Variants in DSN1 observed in about 807,000 individuals in gnomAD.
DSN1 encodes the protein DSN1 component of MIS12 kinetochore complex.
In DSN1, 31 loss-of-function variants were observed where a neutral mutation model predicts 45.7. The ratio of observed to expected loss-of-function variants is 0.68; its 90% CI spans 0.51 to 0.92. The LOEUF (loss-of-function observed/expected upper bound fraction) is 0.92. Ranked by LOEUF, DSN1 falls within the 40% of genes least tolerant of loss-of-function variation. DSN1 has a pLI of 0.00. For synonymous variants in DSN1, 134 were observed against 142.3 expected (o/e 0.94, Z 0.41); for missense variants, 394 against 414.2 (o/e 0.95, Z 0.42).
intron 6 of DSN1, among the ~76,000 whole-genome samples, chr20:36,759,879 A>G (rs1312832647): frequency 1.3e-5 from 2 of 152,066 alleles, no homozygotes; most frequent in Non-Finnish European, 2.9e-5. Context: ...TATCAATTCC[A>G]ATTCACATCA....
chr20:36,762,353 G>A (rs1192103591), intron 6 of DSN1, 108 bp downstream of exon 6: 12 of 822,026 alleles, frequency 1.5e-5, no homozygotes, highest in African/African-American at 3.5e-5. Context: ...CTCGTAATCC[G>A]CCCACCTCGG....
chr20:36,771,516 C>T (rs533876448), intron 1 of DSN1, 43 bp from the exon 2 acceptor site: 26 of 1,591,018 alleles, frequency 1.6e-5, no homozygotes, highest in East Asian at 8.9e-5. Context: ...TCACGTTTCA[C>T]TGCAGTCTCA....
intron 4 of DSN1, among the ~76,000 whole-genome samples, chr20:36,767,304 T>C (rs1987397902): frequency 6.6e-6 from 1 of 150,970 alleles, no homozygotes; most frequent in African/African-American, 2.5e-5. Flanking sequence ...AGACTCCGTC[T>C]CAAAAAAACA....
chr20:36,771,108 G>A lies in DSN1; in HGVS notation c.120C>T (p.Ala40=). The A allele has an allele frequency of 9.9e-6, 16 of 1,614,172 alleles. No individual in the cohort carries two copies. Among genetic ancestry groups the A allele is most frequent in the Non-Finnish European group, 1.4e-5 (16 of 1,180,034 alleles). The change falls in exon 3 of 11, where the codon GCC becomes GCT. Residue 40 remains alanine, a synonymous_variant. Transcript: ENST00000373750. The stretch of plus-strand genomic sequence containing the variant: ...AAACGCCTTGATTCATCTCCAGGGA[G>A]GCAGATGTTTTAGCAAACACTTCCA... ...SPVEVFAKTS[A]SLEMNQGVSE...
intron 5 of DSN1, 59 bp downstream of exon 5, chr20:36,766,710 G>A: frequency 7.1e-7 from 1 of 1,408,234 alleles, no homozygotes; most frequent in Non-Finnish European, 9.9e-7. Flanking sequence ...AAATGGGGAT[G>A]CTGTGAGCAA....
chr20:36,754,681 T>C lies in DSN1; in HGVS notation c.961+82A>G, dbSNP rs539800385. ...ATATAGGTCTTACCCTCTTGGACCA[T>C]AGGCTTTGAAGGGCAGTTTGTATCC... On this transcript the variant is annotated intron_variant, in intron 10 of 10. Transcript: ENST00000373750. 31 of 1,173,424 alleles carry C rather than the reference T, an allele frequency of 2.6e-5. No individual in the cohort carries two copies. In the South Asian group the frequency reaches 2.8e-4, roughly 11 times the overall value. 72.7% of individuals were successfully genotyped at this position (1,173,424 alleles called of 1,614,324 possible).
At chr20:36,765,331 G>A (rs983410862) in intron 5 of DSN1, among the ~76,000 whole-genome samples, 2 of 151,400 alleles carry the variant, frequency 1.3e-5, no homozygotes, top group Admixed American at 1.3e-4. Flanking sequence ...CAAGGTGGGC[G>A]GATCACCTGA....
chr20:36,762,396 C>T (rs1159870841), intron 6 of DSN1, 65 bp downstream of exon 6: 1 of 1,459,338 alleles, frequency 6.9e-7, no homozygotes, highest in Non-Finnish European at 9.4e-7. Context: ...AGGCCTGAGC[C>T]ACCAACGCCC....
At chr20:36,760,614 G>A (rs1986924750) in intron 6 of DSN1, among the ~76,000 whole-genome samples, 1 of 152,210 alleles carries the variant, frequency 6.6e-6, no homozygotes, top group Non-Finnish European at 1.5e-5. Flanking sequence ...TAGGCCCGGT[G>A]TGGTGGTTCA....
chr20:36,753,521 C>A (rs1319543022), intron 10 of DSN1, among the ~76,000 whole-genome samples: 3 of 150,658 alleles, frequency 2.0e-5, no homozygotes, highest in Non-Finnish European at 3.0e-5. Context: ...GCCTGTAATC[C>A]CAGCTACTCA....
intron 8 of DSN1, among the ~76,000 whole-genome samples, 154 bp from the exon 9 acceptor site, chr20:36,755,983 TTTG>T (rs1568688422): frequency 3.8e-4 from 57 of 151,474 alleles, no homozygotes; most frequent in African/African-American, 7.0e-4. Context: ...TGTTTGTTTG[TTTG>T]TTTTTGAGAT....
At position 36,758,590 on chromosome 20, in the gene DSN1, T is replaced by A; in HGVS notation, c.618A>T (p.Ala206=). The A allele has an allele frequency of 6.2e-7, 1 of 1,611,754 alleles. No individual in the cohort carries two copies. Among genetic ancestry groups the A allele is most frequent in the Non-Finnish European group, 8.5e-7 (1 of 1,179,578 alleles). Residue 206 remains alanine (A), a synonymous_variant, in exon 7 of 11, where the codon GCA becomes GCT. Transcript: ENST00000373750. ...NGKASDFSLE[A]SVAEMKEYIT... ...TGTATTCCTTCATCTCAGCCACAGATGCTTCCAAAGAAAAATCTGATGCTT... is the reference window on the plus strand; with the variant it reads ...TGTATTCCTTCATCTCAGCCACAGAAGCTTCCAAAGAAAAATCTGATGCTT...
Position 36,768,006 on chromosome 20 carries a change from C to T in DSN1, c.392G>A (p.Ser131Asn). 1 of 1,614,126 alleles carries T rather than the reference C, an allele frequency of 6.2e-7. No individual in the cohort carries two copies. Among genetic ancestry groups the T allele is most frequent in the Non-Finnish European group, 8.5e-7 (1 of 1,179,994 alleles). The change falls in exon 4 of 11, where the codon AGC (serine) becomes AAC (asparagine). Residue 131 changes from serine (S) to asparagine (N), a missense_variant. Ser to Asn is a conservative substitution (Grantham distance 46). Transcript: ENST00000373750. The stretch of plus-strand genomic sequence containing the variant: ...AAGCAGGAGACAGCCAAGCCGTTTG[C>T]TTTCTGCTAAATCGACACTGATAGA... Reference protein sequence around the residue: ...SRSISVDLAESKRLGCLLLSS... With the variant: ...SRSISVDLAENKRLGCLLLSS...
Position 36,770,890 on chromosome 20 carries a change from A to G in DSN1, c.338T>C (p.Ile113Thr). The change falls in exon 3 of 11, where the codon ATT becomes ACT. Residue 113 changes from isoleucine (I) to threonine (T), a missense_variant. Transcript: ENST00000373750. ...CACCCCACCTGTGATGCCCTGGTGAATGGGATGCAGCGACTTCCGCCGGTT... is the reference window on the plus strand; with the variant it reads ...CACCCCACCTGTGATGCCCTGGTGAGTGGGATGCAGCGACTTCCGCCGGTT... ...ETNRRKSLHP[I>T]HQGITELSRS... 1.9e-6 allele frequency: 3 copies of G among 1,611,502 alleles called. No individual in the cohort carries two copies. The highest frequency in any genetic ancestry group is 2.5e-6 in the Non-Finnish European group (3 of 1,179,512).
chr20:36,759,633 G>A (rs1185605331), intron 6 of DSN1, among the ~76,000 whole-genome samples: 2 of 151,442 alleles, frequency 1.3e-5, no homozygotes, highest in Non-Finnish European at 2.9e-5. Context: ...ACAGGCGCCC[G>A]CCACCACACC....
At position 36,758,584 on chromosome 20, in the gene DSN1, C is replaced by T; in HGVS notation, c.624G>A (p.Val208=). The change falls in exon 7 of 11, where the codon GTG becomes GTA. Residue 208 remains valine, a synonymous_variant. Coordinates refer to ENST00000373750, the MANE Select transcript of DSN1 (RefSeq NM_001145315.2). ...TTGTTATGTATTCCTTCATCTCAGC[C>T]ACAGATGCTTCCAAAGAAAAATCTG... ...KASDFSLEAS[V]AEMKEYITKF... 1.2e-6 allele frequency: 2 copies of T among 1,611,634 alleles called. No homozygotes were observed. The highest frequency in any genetic ancestry group is 1.7e-6 in the Non-Finnish European group (2 of 1,179,514).
intron 4 of DSN1, 76 bp downstream of exon 4, chr20:36,767,893 C>A: frequency 1.4e-6 from 2 of 1,447,414 alleles, no homozygotes; most frequent in Admixed American, 1.7e-5. Context: ...CAGAGTCAGG[C>A]TCCATCTAAA....
At chr20:36,763,034 G>A (rs552619858) in intron 5 of DSN1, among the ~76,000 whole-genome samples, 4 of 152,314 alleles carry the variant, frequency 2.6e-5, no homozygotes, top group African/African-American at 4.8e-5. Context: ...GATTGTAGGC[G>A]TAAGCCACTG....
intron 3 of DSN1, among the ~76,000 whole-genome samples, chr20:36,768,893 C>T (rs1311678429): frequency 6.6e-6 from 1 of 152,196 alleles, no homozygotes; most frequent in Non-Finnish European, 1.5e-5. Flanking sequence ...CCCTCTATTA[C>T]CACACTGCCT....
Sources: gnomAD v4.1 joint callset for allele counts (sites outside exome capture counted in the v4.1 genomes callset) on GRCh38, gnomAD v4.1.1 for gene constraint, MANE v1.5 for transcripts, NCBI Gene and HGNC (gene_info 2026-07-23, HGNC 2026-07-21) for gene names.